The following SIPA1L3 variants were observed in gnomAD, a reference collection of about 807,000 sequenced individuals.
The protein encoded by SIPA1L3 is signal induced proliferation associated 1 like 3.
Under a neutral mutation model 150.1 loss-of-function variants are expected in SIPA1L3, and 59 were observed. The observed-to-expected ratio is 0.39, with a 90% confidence interval of 0.32 to 0.49. The LOEUF (loss-of-function observed/expected upper bound fraction) is 0.49. Ranked by LOEUF, SIPA1L3 falls within the 20% of genes least tolerant of loss-of-function variation. The probability of loss-of-function intolerance (pLI) is 0.86; values close to 1 mark genes in which losing one functional copy is unlikely to be tolerated. For missense variants in SIPA1L3, 2,211 were observed against 2,489.5 expected, an observed-to-expected ratio of 0.89 and a Z score of 2.38; for synonymous variants, 1,070 against 1,077.6, an observed-to-expected ratio of 0.99 and a Z score of 0.14.
At chr19:37,939,461 G>A (rs2046632936) in intron 1 of SIPA1L3, among the ~76,000 whole-genome samples, 1 of 150,582 alleles carries the variant, frequency 6.6e-6, no homozygotes, top group Non-Finnish European at 1.5e-5. Flanking sequence ...TCAACAAAGT[G>A]ACAGTGGCCT....
chr19:37,957,490 C>G (rs1173836861), intron 1 of SIPA1L3, among the ~76,000 whole-genome samples: 1 of 151,980 alleles, frequency 6.6e-6, no homozygotes, highest in Non-Finnish European at 1.5e-5. Flanking sequence ...CAAGTCTACA[C>G]TTATGTTAAA....
intron 1 of SIPA1L3, among the ~76,000 whole-genome samples, chr19:37,930,857 C>A (rs1376255060): frequency 6.6e-6 from 1 of 151,282 alleles, no homozygotes; most frequent in Non-Finnish European, 1.5e-5. Context: ...AGCACCCGAC[C>A]CAAAGCAGCA....
intron 4 of SIPA1L3, among the ~76,000 whole-genome samples, chr19:38,094,341 C>T (rs529536747): frequency 2.6e-5 from 4 of 152,180 alleles, no homozygotes; most frequent in East Asian, 3.9e-4. Context: ...CTCGAATTCC[C>T]GGGCTCAAGC....
intron 15 of SIPA1L3, among the ~76,000 whole-genome samples, chr19:38,166,427 A>AG (rs1972212377): frequency 6.6e-6 from 1 of 150,922 alleles, no homozygotes; most frequent in South Asian, 2.1e-4. Context: ...ACTGCACTCC[A>AG]CCCAGGCGAC....
chr19:38,193,548 GA>G lies in SIPA1L3; in HGVS notation c.4610del (p.Lys1537ArgfsTer27). 6.7e-7 allele frequency: 1 copy of G among 1,500,248 alleles called. No individual in the cohort carries two copies. Among genetic ancestry groups the G allele is most frequent in the Admixed American group, 2.2e-5 (1 of 44,934 alleles). The allele number at this position is 1,500,248 out of a possible 1,614,324, so 92.9% of individuals were successfully genotyped here. A position where few individuals can be genotyped will look rare whatever the true frequency, so the allele number is the denominator to read the frequency against. On this transcript the variant is annotated frameshift_variant, in exon 18 of 22. Transcript: ENST00000222345. LOFTEE classifies it high-confidence loss of function. ...CCCACGCCCCACAGCAGTCACCGCA[GA>G]AGGGCCTGCAGCGGACGCTGTCGGA... ...QERDTGQSPQ[K>X]GLQRTLSDES...
intron 1 of SIPA1L3, among the ~76,000 whole-genome samples, chr19:37,925,589 A>ATT (rs2046496127): frequency 8.1e-6 from 1 of 123,174 alleles, no homozygotes; most frequent in African/African-American, 2.9e-5. Context: ...TTGATTTATT[A>ATT]CTTTTTTTTT....
chr19:38,171,169 G>C (rs557714560), intron 15 of SIPA1L3, among the ~76,000 whole-genome samples: 1 of 152,210 alleles, frequency 6.6e-6, no homozygotes, highest in African/African-American at 2.4e-5. Flanking sequence ...ATGAATTAGA[G>C]TTGCGTGTGC....
At chr19:38,044,575 G>T (rs1478738626) in intron 2 of SIPA1L3, among the ~76,000 whole-genome samples, 1 of 152,154 alleles carries the variant, frequency 6.6e-6, no homozygotes, top group African/African-American at 2.4e-5. Context: ...CAAGAGAGAC[G>T]GGGCTTTGTT....
chr19:38,179,057 T>C (rs1421507579), intron 15 of SIPA1L3, among the ~76,000 whole-genome samples: 1 of 152,260 alleles, frequency 6.6e-6, no homozygotes, highest in Non-Finnish European at 1.5e-5. Context: ...ATGGTTGGAT[T>C]TGCATTAGCC....
intron 1 of SIPA1L3, among the ~76,000 whole-genome samples, chr19:37,921,985 G>A (rs1360961906): frequency 6.6e-6 from 1 of 152,150 alleles, no homozygotes; most frequent in Non-Finnish European, 1.5e-5. Flanking sequence ...AATGTCATGA[G>A]CTCTGTCTTC....
intron 1 of SIPA1L3, among the ~76,000 whole-genome samples, chr19:37,927,255 C>T (rs1481445141): frequency 6.6e-6 from 1 of 151,662 alleles, no homozygotes; most frequent in Non-Finnish European, 1.5e-5. Flanking sequence ...GCAATTCTCC[C>T]TACCTCAGCC....
At chr19:38,015,819 C>T (rs1293417536) in intron 1 of SIPA1L3, among the ~76,000 whole-genome samples, 2 of 150,978 alleles carry the variant, frequency 1.3e-5, no homozygotes, top group Middle Eastern at 3.5e-3. Context: ...CTGCTGTGTT[C>T]GAAGCAACTC....
intron 13 of SIPA1L3, among the ~76,000 whole-genome samples, chr19:38,155,709 T>A (rs1378760936): frequency 5.9e-5 from 9 of 152,150 alleles, no homozygotes; most frequent in Middle Eastern, 3.4e-3. Context: ...GCACACCAGC[T>A]CCCCCAGATG....
intron 1 of SIPA1L3, among the ~76,000 whole-genome samples, chr19:37,909,917 A>G (rs1292358852): frequency 1.3e-5 from 2 of 151,372 alleles, no homozygotes; most frequent in African/African-American, 4.9e-5. Flanking sequence ...CACATTTGTG[A>G]TGGCCAACAA....
intron 1 of SIPA1L3, among the ~76,000 whole-genome samples, chr19:37,981,704 C>A (rs833917): frequency 0.68 from 103,084 of 151,944 alleles, 36,350 homozygotes; most frequent in African/African-American, 0.86. Flanking sequence ...GTTAGCTGTA[C>A]CACCTCACCT....
chr19:37,984,739 AAT>A (rs1967301664), intron 1 of SIPA1L3, among the ~76,000 whole-genome samples: 1 of 152,154 alleles, frequency 6.6e-6, no homozygotes, highest in African/African-American at 2.4e-5. Context: ...CATAAACGTT[AAT>A]GACAACAGTA....
intron 4 of SIPA1L3, among the ~76,000 whole-genome samples, chr19:38,099,337 C>CTTTTTTTTT (rs11434268): frequency 6.9e-6 from 1 of 145,546 alleles, no homozygotes; most frequent in South Asian, 2.2e-4. Flanking sequence ...CACGCCTGGC[C>CTTTTTTTTT]TTTTTTTTTT....
intron 15 of SIPA1L3, among the ~76,000 whole-genome samples, chr19:38,170,336 G>T (rs999907150): frequency 4.6e-5 from 7 of 152,324 alleles, no homozygotes; most frequent in Non-Finnish European, 8.8e-5. Flanking sequence ...TGGTTCAAGT[G>T]GCCACACGTG....
At chr19:37,937,741 C>CCAAAAAAAAAAAAA (rs2046613127) in intron 1 of SIPA1L3, among the ~76,000 whole-genome samples, 4 of 18,674 alleles carry the variant, frequency 2.1e-4, no homozygotes, top group African/African-American at 1.0e-3. Flanking sequence ...AACCCTGTCT[C>CCAAAAAAAAAAAAA]AAAAAAAAAA....
Sources: gnomAD v4.1 joint callset for allele counts (sites outside exome capture counted in the v4.1 genomes callset) on GRCh38, gnomAD v4.1.1 for gene constraint, MANE v1.5 for transcripts, NCBI Gene and HGNC (gene_info 2026-07-23, HGNC 2026-07-21) for gene names.